GNAO1: variants seen among roughly 807,000 people sequenced by gnomAD.
The protein encoded by GNAO1 is guanine nucleotide-binding protein G(o) subunit alpha.
For missense variants in GNAO1, 166 were observed against 478.7 expected (o/e 0.35, Z 6.10); for synonymous variants, 164 against 180.7 (o/e 0.91, Z 0.74).
chr16:56,210,508 A>G (rs956930352), intron 2 of GNAO1, among the ~76,000 whole-genome samples: 16 of 152,256 alleles, frequency 1.1e-4, no homozygotes, highest in African/African-American at 2.7e-4. Flanking sequence ...TCCAAAATAT[A>G]TAGATATATC....
chr16:56,208,337 T>C (rs555818845), intron 2 of GNAO1, among the ~76,000 whole-genome samples: 16 of 152,338 alleles, frequency 1.1e-4, no homozygotes, highest in Non-Finnish European at 2.1e-4. Context: ...GTGACTATAC[T>C]GTAATTTATT....
At chr16:56,275,907 G>A (rs1486504395) in intron 2 of GNAO1, 24 bp from the exon 3 acceptor site, 3 of 1,604,682 alleles carry the variant, frequency 1.9e-6, no homozygotes, top group Admixed American at 1.7e-5. Context: ...CTCATCAGGT[G>A]TGGTGTGTGT....
In GNAO1 at chr16:56,257,548, T is replaced by TG. The variant is rs556888968; in HGVS notation, c.162-18376dup. 6.7e-4 allele frequency among the ~76,000 whole-genome samples: 102 copies of TG among 152,214 alleles called. 1 individual carries two copies. The South Asian group carries it at 0.017, about 25-fold the overall frequency. On this transcript the variant is annotated intron_variant, in intron 2 of 8. Coordinates refer to ENST00000262493, the MANE Select transcript of GNAO1 (RefSeq NM_020988.3). ...CTGGCTGTGCATCTTGTTGGGTCCT[T>TG]GGGGGGGTGTGGTATCCCCCAGTGA...
chr16:56,246,992 T>G (rs766843739), intron 2 of GNAO1, among the ~76,000 whole-genome samples: 1 of 152,222 alleles, frequency 6.6e-6, no homozygotes, highest in Non-Finnish European at 1.5e-5. Context: ...CTTTACCAAG[T>G]TAAGGCCCCT....
intron 4 of GNAO1, among the ~76,000 whole-genome samples, chr16:56,330,377 T>G (rs566208015): frequency 6.6e-6 from 1 of 152,308 alleles, no homozygotes; most frequent in East Asian, 1.9e-4. Flanking sequence ...CTCAAGGGCC[T>G]TTAGGGCCAG....
intron 2 of GNAO1, among the ~76,000 whole-genome samples, chr16:56,253,740 C>T (rs1359544825): frequency 6.6e-6 from 1 of 152,188 alleles, no homozygotes; most frequent in African/African-American, 2.4e-5. Context: ...ATGGGCCATG[C>T]ACTTTGCCAT....
At position 56,336,875 on chromosome 16, in the gene GNAO1, C is replaced by T. The variant is rs752075327; in HGVS notation, c.723+15C>T. On this transcript the variant is annotated intron_variant, in intron 6 of 8. Transcript: ENST00000262493. ...ACGAAACCACGGTGAGTGGCCTGGG[C>T]CCCCCGGGCAGGGGGCAGCGCTGAG... The T allele has an allele frequency of 5.0e-6, 8 of 1,602,910 alleles. No homozygotes were observed. In the East Asian group the frequency reaches 1.6e-4, roughly 31 times the overall value.
chr16:56,301,244 C>T (rs1248096305), intron 3 of GNAO1: 1 of 152,192 alleles, frequency 6.6e-6, no homozygotes, highest in African/African-American at 2.4e-5. Flanking sequence ...TGGGTTTGAC[C>T]TTTTTTTGTT....
At chr16:56,268,063 A>G (rs193114657) in intron 2 of GNAO1, among the ~76,000 whole-genome samples, 155 of 152,234 alleles carry the variant, frequency 1.0e-3, no homozygotes, top group African/African-American at 3.6e-3. Flanking sequence ...CTGTAGCACA[A>G]TGGAAAGGCC....
At position 56,264,087 on chromosome 16, in the gene GNAO1, G is replaced by A. The variant is rs533831772; in HGVS notation, c.162-11844G>A. Reference sequence around the variant, plus strand: ...GGAGGCCGACAGAGCTGCCTTGAAGGACTTCCTCCACCACCAAGGGGGAGC... The same window carrying A: ...GGAGGCCGACAGAGCTGCCTTGAAGAACTTCCTCCACCACCAAGGGGGAGC... On this transcript the variant is annotated intron_variant, in intron 2 of 8. Transcript: ENST00000262493. Among the ~76,000 whole-genome samples, 28 of 152,356 alleles carry A rather than the reference G, an allele frequency of 1.8e-4. No individual in the cohort carries two copies. The East Asian group carries it at 5.0e-3, about 27-fold the overall frequency.
chr16:56,346,242 TGTG>T (rs1414745037), intron 6 of GNAO1: 2 of 985,176 alleles, frequency 2.0e-6, no homozygotes, highest in Admixed American at 6.2e-5. Flanking sequence ...GGCTCCATCT[TGTG>T]GGGTGGTGAC....
At position 56,298,839 on chromosome 16, in the gene GNAO1, C is replaced by T. The variant is rs1030965632; in HGVS notation, c.303+22767C>T. 6.0e-5 allele frequency among the ~76,000 whole-genome samples: 9 copies of T among 150,404 alleles called. No homozygotes were observed. In the East Asian group the frequency reaches 7.9e-4, roughly 13 times the overall value. On this transcript the variant is annotated intron_variant, in intron 3 of 8. Transcript: ENST00000262493. ...CTGAGGCAGGAGAATGGTGTGAACC[C>T]GGTAGGCGGAGCTTGCAGTGAGCTG... is the stretch of plus-strand genomic sequence containing the variant.
At position 56,356,842 on chromosome 16, in the gene GNAO1, C is replaced by T. The variant is rs1160226047; in HGVS notation, c.*768C>T. 5 of 151,156 alleles carry T rather than the reference C, an allele frequency of 3.3e-5. No homozygotes were observed. The highest frequency in any genetic ancestry group is 5.9e-5 in the Non-Finnish European group (4 of 67,830). 9.4% of individuals were successfully genotyped at this position (151,156 alleles called of 1,614,324 possible). On this transcript the variant is annotated 3_prime_UTR_variant, in exon 9 of 9. Coordinates refer to ENST00000262493, the MANE Select transcript of GNAO1 (RefSeq NM_020988.3). ...AGTACTATGTATTACCAGCCCCCCA[C>T]CCCACAGATCAGTTTTCCTAGTCTT...
chr16:56,236,661 A>G (rs1371857925), intron 2 of GNAO1, among the ~76,000 whole-genome samples: 12 of 152,180 alleles, frequency 7.9e-5, no homozygotes, highest in African/African-American at 2.7e-4. Flanking sequence ...AAGCTAGTCC[A>G]TGGCTCACCA....
intron 2 of GNAO1, among the ~76,000 whole-genome samples, chr16:56,224,427 C>T (rs554412061): frequency 6.6e-6 from 1 of 152,290 alleles, no homozygotes; most frequent in African/African-American, 2.4e-5. Context: ...ATGTTAATAC[C>T]TTCTGCTCTG....
chr16:56,262,753 G>A (rs1233203258), intron 2 of GNAO1, among the ~76,000 whole-genome samples: 1 of 152,174 alleles, frequency 6.6e-6, no homozygotes, highest in Non-Finnish European at 1.5e-5. Flanking sequence ...GCCCTTATCA[G>A]GCAGATGGGA....
At chr16:56,350,881 C>A (rs1230935043) in intron 6 of GNAO1, among the ~76,000 whole-genome samples, 2 of 152,190 alleles carry the variant, frequency 1.3e-5, no homozygotes, top group South Asian at 2.1e-4. Context: ...CCGGTCCAGA[C>A]TCCCCCAACG....
At position 56,351,613 on chromosome 16, in the gene GNAO1, G is replaced by A. The variant is rs1397537735; in HGVS notation, c.877+76G>A. 6 of 1,184,116 alleles carry A rather than the reference G, an allele frequency of 5.1e-6. No homozygotes were observed. The highest frequency in any genetic ancestry group is 1.8e-5 in the Admixed American group (1 of 55,050). The allele number at this position is 1,184,116 out of a possible 1,614,324, so 73.4% of individuals were successfully genotyped here. On this transcript the variant is annotated intron_variant, in intron 7 of 8. Coordinates refer to ENST00000262493, the MANE Select transcript of GNAO1 (RefSeq NM_020988.3). The surrounding 1 kb of genome is among the most constrained non-coding windows in gnomAD (Gnocchi z 6.1). ...CCATGGCTCAGAGAACAGGCTGCTC[G>A]GCCAGCACTGCTGGGGCTAGCTGGC...
At chr16:56,328,469 C>T (rs1427649807) in intron 3 of GNAO1, among the ~76,000 whole-genome samples, 162 bp from the exon 4 acceptor site, 1 of 152,226 alleles carries the variant, frequency 6.6e-6, no homozygotes, top group Non-Finnish European at 1.5e-5. Flanking sequence ...ACTGTGCATG[C>T]TCAGGTCGTG....
Sources: gnomAD v4.1 joint callset for allele counts (sites outside exome capture counted in the v4.1 genomes callset) on GRCh38, gnomAD v4.1.1 for gene constraint, Gnocchi (gnomAD v3.1) non-coding constraint, MANE v1.5 for transcripts, NCBI Gene and HGNC (gene_info 2026-07-23, HGNC 2026-07-21) for gene names.